The following TNIK variants were observed in gnomAD, a reference collection of about 807,000 sequenced individuals.
The protein encoded by TNIK is TRAF2 and NCK interacting kinase, also known as TRAF2 and NCK-interacting protein kinase.
A neutral mutation model predicts 191.3 loss-of-function variants in TNIK; 49 were observed. The ratio of observed to expected loss-of-function variants is 0.26; its 90% CI spans 0.20 to 0.32. The LOEUF is 0.32. Among genes scored for constraint, TNIK ranks in the 10% least tolerant of loss-of-function variants. The pLI is 1.00. For missense variants in TNIK, 1,155 were observed against 1,702.3 expected, an observed-to-expected ratio of 0.68 and a Z score of 5.66; for synonymous variants, 594 against 600.9, an observed-to-expected ratio of 0.99 and a Z score of 0.17.
chr3:171,153,693 T>C (rs931887987), intron 12 of TNIK, among the ~76,000 whole-genome samples: 14 of 152,224 alleles, frequency 9.2e-5, no homozygotes, highest in African/African-American at 3.1e-4. Context: ...ATCAATGGTT[T>C]CCCACTCTTC....
At chr3:171,126,216 G>A in intron 16 of TNIK, 65 bp from the exon 17 acceptor site, 1 of 1,430,954 alleles carries the variant, frequency 7.0e-7, no homozygotes, top group Non-Finnish European at 9.1e-7. Flanking sequence ...CAGTACCTCA[G>A]TGAGCTGAAG....
At chr3:171,074,210 G>A (rs1289941117) in intron 28 of TNIK, among the ~76,000 whole-genome samples, 1 of 151,954 alleles carries the variant, frequency 6.6e-6, no homozygotes, top group Admixed American at 6.6e-5. Context: ...TCGTGCCCTT[G>A]GCAGCAACGT....
intron 18 of TNIK, among the ~76,000 whole-genome samples, chr3:171,116,395 A>G (rs1726701304): frequency 6.6e-6 from 1 of 152,246 alleles, no homozygotes; most frequent in Non-Finnish European, 1.5e-5. Flanking sequence ...TTTAGTTCAG[A>G]CATTTGCCAT....
At chr3:171,190,814 T>C in intron 5 of TNIK, 27 bp from the exon 6 acceptor site, 1 of 1,535,146 alleles carries the variant, frequency 6.5e-7, no homozygotes, top group South Asian at 1.2e-5. Context: ...TTAAGAAGGG[T>C]TAATAGGAAC....
intron 15 of TNIK, among the ~76,000 whole-genome samples, chr3:171,136,303 G>A (rs1729968083): frequency 6.6e-6 from 1 of 152,214 alleles, no homozygotes; most frequent in South Asian, 2.1e-4. Flanking sequence ...AAAGATGCAT[G>A]AGTTCATGCT....
chr3:171,372,968 G>A (rs1716721737), intron 1 of TNIK, among the ~76,000 whole-genome samples: 1 of 152,150 alleles, frequency 6.6e-6, no homozygotes, highest in African/African-American at 2.4e-5. Flanking sequence ...ATGGAAGTCA[G>A]AGGTATTATT....
At chr3:171,213,048 G>A (rs1478654732) in intron 3 of TNIK, among the ~76,000 whole-genome samples, 2 of 152,062 alleles carry the variant, frequency 1.3e-5, no homozygotes, top group African/African-American at 4.8e-5. Flanking sequence ...GTCAAGGGGC[G>A]AGACAGGGGA....
At chr3:171,150,036 T>G (rs1036402785) in intron 12 of TNIK, among the ~76,000 whole-genome samples, 4 of 152,034 alleles carry the variant, frequency 2.6e-5, no homozygotes, top group Non-Finnish European at 5.9e-5. Context: ...CCTGGGAGTG[T>G]GGTCCAGTGG....
intron 18 of TNIK, among the ~76,000 whole-genome samples, chr3:171,115,682 A>C (rs1414929264): frequency 6.6e-6 from 1 of 152,222 alleles, no homozygotes; most frequent in Non-Finnish European, 1.5e-5. Context: ...ATTAGGAAAC[A>C]CTGGGAGAGT....
At chr3:171,258,762 C>A (rs1382921934) in intron 2 of TNIK, among the ~76,000 whole-genome samples, 1 of 152,206 alleles carries the variant, frequency 6.6e-6, no homozygotes. Flanking sequence ...TTCCTGTTCA[C>A]TTGACCCTCT....
At chr3:171,219,425 G>A (rs1742007937) in intron 3 of TNIK, among the ~76,000 whole-genome samples, 1 of 150,382 alleles carries the variant, frequency 6.6e-6, no homozygotes, top group African/African-American at 2.4e-5. Flanking sequence ...CCTACTAGGT[G>A]CCAGTGCCAG....
chr3:171,068,808 T>G (rs754144240), intron 30 of TNIK, 40 bp downstream of exon 30: 4 of 1,584,202 alleles, frequency 2.5e-6, no homozygotes, highest in Non-Finnish European at 3.4e-6. Flanking sequence ...TGCAGGCTGT[T>G]GTACAGAGAG....
rs73879277 is a variant in TNIK at position 171,060,024 on chromosome 3, T to C, written c.*3857A>G. Among the ~76,000 whole-genome samples the C allele has an allele frequency of 0.097, 14,816 of 152,178 alleles. 803 individuals are homozygous for C. Among genetic ancestry groups the C allele is most frequent in the Middle Eastern group, 0.13 (39 of 294 alleles). The stretch of plus-strand genomic sequence containing the variant: ...TAAAAGTTTTATCAATAACTATTTT[T>C]TTTCTTAAAAATAATGTAGCACATC... On this transcript the variant is annotated 3_prime_UTR_variant, in exon 33 of 33. Transcript: ENST00000436636.
rs1367634101 is a variant in TNIK, at chr3:171,140,458, G to A, written c.1273C>T (p.Arg425Trp). 4 of 1,612,478 alleles carry A rather than the reference G, an allele frequency of 2.5e-6. No individual in the cohort carries two copies. Among genetic ancestry groups the A allele is most frequent in the East Asian group, 2.2e-5 (1 of 44,690 alleles). Residue 425 changes from arginine (R) to tryptophan (W), a missense_variant, in exon 13 of 33, where the codon CGG becomes TGG. Arg to Trp is a moderately radical substitution (Grantham distance 101). Transcript: ENST00000436636. ...LRKQQEREQR[R>W]HYEEQMRREE... ...CGGCGCATCTGCTCCTCATAGTGCC[G>A]GCGCTGCTCCCTCTCCTGCTGCTTC... is the stretch of plus-strand genomic sequence containing the variant.
At chr3:171,183,750 G>A (rs1002505121) in intron 7 of TNIK, among the ~76,000 whole-genome samples, 21 of 151,730 alleles carry the variant, frequency 1.4e-4, no homozygotes, top group Admixed American at 6.6e-4. Flanking sequence ...GTGAAACCCT[G>A]TCTCTACTAA....
At chr3:171,286,048 A>G (rs1750974850) in intron 2 of TNIK, among the ~76,000 whole-genome samples, 1 of 152,220 alleles carries the variant, frequency 6.6e-6, no homozygotes, top group Non-Finnish European at 1.5e-5. Context: ...CCCTATGGCA[A>G]AATAAATACT....
At chr3:171,405,751 C>T (rs1721587785) in intron 1 of TNIK, among the ~76,000 whole-genome samples, 1 of 152,042 alleles carries the variant, frequency 6.6e-6, no homozygotes, top group Non-Finnish European at 1.5e-5. Context: ...AGTTTAATCT[C>T]CAGAAGTAAG....
At chr3:171,432,425 T>A (rs117527076) in intron 1 of TNIK, among the ~76,000 whole-genome samples, 1 of 152,276 alleles carries the variant, frequency 6.6e-6, no homozygotes, top group East Asian at 1.9e-4. Context: ...AAAAACCTGC[T>A]CCCAGGAGCA....
At chr3:171,075,957 C>G (rs192554671) in intron 28 of TNIK, among the ~76,000 whole-genome samples, 198 of 152,216 alleles carry the variant, frequency 1.3e-3, no homozygotes, top group African/African-American at 4.7e-3. Context: ...AGGCTGGTCT[C>G]AAATACCTGA....
Sources: gnomAD v4.1 joint callset for allele counts (sites outside exome capture counted in the v4.1 genomes callset) on GRCh38, gnomAD v4.1.1 for gene constraint, MANE v1.5 for transcripts, NCBI Gene and HGNC (gene_info 2026-07-23, HGNC 2026-07-21) for gene names.